The following GRIK4 variants were observed in gnomAD, a reference collection of about 807,000 sequenced individuals.
GRIK4 encodes glutamate ionotropic receptor kainate type subunit 4, also known as glutamate receptor ionotropic, kainate 4.
GRIK4 carries 40 observed loss-of-function variants against 104.9 expected under a neutral mutation model. The observed-to-expected ratio is 0.38, with a 90% CI of 0.30 to 0.50. GRIK4 has a LOEUF of 0.50. Among genes scored for constraint, GRIK4 ranks in the 20% least tolerant of loss-of-function variants. The pLI, the probability that GRIK4 is intolerant of heterozygous loss-of-function variation, is 0.93. For synonymous variants in GRIK4, 485 were observed against 524.9 expected (o/e 0.92, Z 1.04); for missense variants, 1,047 against 1,308.1 (o/e 0.80, Z 3.08).
chr11:120,516,819 G>A (rs913556138), intron 1 of GRIK4, among the ~76,000 whole-genome samples: 6 of 152,150 alleles, frequency 3.9e-5, no homozygotes, highest in Admixed American at 2.0e-4. Flanking sequence ...TAGGGAAGCC[G>A]GAGGGGGAAG....
intron 11 of GRIK4, among the ~76,000 whole-genome samples, chr11:120,890,341 C>A (rs1319549737): frequency 2.6e-5 from 4 of 152,102 alleles, no homozygotes; most frequent in African/African-American, 4.8e-5. Context: ...CCTCTTGTAC[C>A]CCCTGAATCC....
chr11:120,619,001 A>C (rs1949150037), intron 1 of GRIK4, among the ~76,000 whole-genome samples: 2 of 152,188 alleles, frequency 1.3e-5, no homozygotes, highest in African/African-American at 4.8e-5. Flanking sequence ...TCCACACCCC[A>C]GAATGGTAGA....
chr11:120,687,722 C>T (rs1353484327), intron 3 of GRIK4, among the ~76,000 whole-genome samples: 2 of 152,260 alleles, frequency 1.3e-5, no homozygotes, highest in East Asian at 3.9e-4. Context: ...TGAACTGAGT[C>T]CCTGCCGGGT....
At chr11:120,980,730 A>C (rs1047344957) in intron 19 of GRIK4, among the ~76,000 whole-genome samples, 4 of 152,132 alleles carry the variant, frequency 2.6e-5, no homozygotes, top group African/African-American at 9.7e-5. Flanking sequence ...TCAAGAGTTG[A>C]CTGTGGTCCT....
At chr11:120,828,017 TTC>T (rs1420152875) in intron 6 of GRIK4, among the ~76,000 whole-genome samples, 1 of 152,222 alleles carries the variant, frequency 6.6e-6, no homozygotes, top group Non-Finnish European at 1.5e-5. Flanking sequence ...CAGCCCTTCC[TTC>T]TCTCCCTCTG....
chr11:120,845,970 T>A (rs1953842878), intron 8 of GRIK4, among the ~76,000 whole-genome samples: 2 of 152,230 alleles, frequency 1.3e-5, no homozygotes. Context: ...CGGTGACAGA[T>A]GTCTCCTGGG....
intron 3 of GRIK4, among the ~76,000 whole-genome samples, chr11:120,681,886 G>A (rs1452925442): frequency 3.3e-5 from 5 of 152,210 alleles, no homozygotes; most frequent in African/African-American, 1.2e-4. Context: ...AGTGCTCCGG[G>A]TAAAGGCTCT....
At chr11:120,757,440 C>T (rs1016175816) in intron 3 of GRIK4, among the ~76,000 whole-genome samples, 10 of 152,078 alleles carry the variant, frequency 6.6e-5, no homozygotes, top group African/African-American at 1.2e-4. Context: ...ACCTGTCACA[C>T]GGTGGGGTTG....
At chr11:120,522,041 A>T (rs1210608188) in intron 1 of GRIK4, among the ~76,000 whole-genome samples, 1 of 152,214 alleles carries the variant, frequency 6.6e-6, no homozygotes, top group Non-Finnish European at 1.5e-5. Flanking sequence ...CACTTTACAC[A>T]TGAGGAAATA....
intron 1 of GRIK4, among the ~76,000 whole-genome samples, chr11:120,527,956 A>C (rs544235124): frequency 7.6e-4 from 115 of 152,172 alleles, no homozygotes; most frequent in Non-Finnish European, 1.1e-3. Flanking sequence ...GAGTGAGCTC[A>C]TCAACAAACA....
At chr11:120,610,146 A>G (rs1046102613) in intron 1 of GRIK4, among the ~76,000 whole-genome samples, 1 of 151,944 alleles carries the variant, frequency 6.6e-6, no homozygotes, top group African/African-American at 2.4e-5. Flanking sequence ...CTCTCATTCC[A>G]CAATACAGGT....
At chr11:120,787,626 C>A (rs1428061171) in intron 3 of GRIK4, among the ~76,000 whole-genome samples, 3 of 150,940 alleles carry the variant, frequency 2.0e-5, no homozygotes, top group African/African-American at 7.3e-5. Context: ...CCACGCCCAG[C>A]TAATTTTTGT....
chr11:120,910,012 C>T (rs1251633237), intron 13 of GRIK4, among the ~76,000 whole-genome samples: 1 of 152,128 alleles, frequency 6.6e-6, no homozygotes, highest in African/African-American at 2.4e-5. Context: ...ATGTCATCAT[C>T]GAGGAAGGTT....
intron 1 of GRIK4, among the ~76,000 whole-genome samples, chr11:120,599,588 T>C (rs1948853910): frequency 6.6e-6 from 1 of 152,250 alleles, no homozygotes; most frequent in Non-Finnish European, 1.5e-5. Flanking sequence ...TCTCTGCTAC[T>C]GTATTCTCAG....
chr11:120,723,642 A>G (rs1950972039), intron 3 of GRIK4, among the ~76,000 whole-genome samples: 1 of 152,184 alleles, frequency 6.6e-6, no homozygotes, highest in African/African-American at 2.4e-5. Context: ...GCCCACATGA[A>G]GTCCCATGTA....
chr11:120,698,830 C>T (rs913068408), intron 3 of GRIK4, among the ~76,000 whole-genome samples: 2 of 152,182 alleles, frequency 1.3e-5, no homozygotes, highest in Admixed American at 6.5e-5. Context: ...ATCTTAGGAG[C>T]CCAGTTACCC....
chr11:120,627,263 C>T (rs1306831687), intron 1 of GRIK4, among the ~76,000 whole-genome samples: 2 of 152,230 alleles, frequency 1.3e-5, no homozygotes, highest in South Asian at 2.1e-4. Flanking sequence ...TTATCATTCT[C>T]GCCATTTACT....
intron 3 of GRIK4, among the ~76,000 whole-genome samples, chr11:120,715,278 C>A (rs566833618): frequency 6.6e-6 from 1 of 152,138 alleles, no homozygotes; most frequent in Non-Finnish European, 1.5e-5. Flanking sequence ...GGAGCCCCAA[C>A]CTACGAGGGC....
chr11:120,866,573 G>A (rs1954419432), intron 9 of GRIK4, among the ~76,000 whole-genome samples: 1 of 152,162 alleles, frequency 6.6e-6, no homozygotes, highest in African/African-American at 2.4e-5. Context: ...TGCTCCCCAA[G>A]AATGCTTGGG....
Sources: allele counts gnomAD v4.1 joint callset (sites outside exome capture counted in the v4.1 genomes callset), GRCh38; gene constraint gnomAD v4.1.1; transcripts MANE v1.5; gene names NCBI Gene and HGNC (gene_info 2026-07-23, HGNC 2026-07-21).